RABGEF1: variants seen among roughly 807,000 people sequenced by gnomAD.
RABGEF1 encodes rab5 GDP/GTP exchange factor.
RABGEF1 carries 26 observed loss-of-function variants against 57.3 expected under a neutral mutation model. The ratio of observed to expected loss-of-function variants is 0.45; its 90% CI spans 0.33 to 0.63. The LOEUF is 0.63. Ranked by LOEUF, RABGEF1 falls within the 20% of genes least tolerant of loss-of-function variation. RABGEF1 has a pLI of 0.02. For missense variants in RABGEF1, 464 were observed against 607.6 expected (o/e 0.76, Z 2.48); for synonymous variants, 185 against 210.7 (o/e 0.88, Z 1.06).
At chr7:66,791,369 AAT>A (rs1295020208) in intron 4 of RABGEF1, among the ~76,000 whole-genome samples, 1 of 152,180 alleles carries the variant, frequency 6.6e-6, no homozygotes, top group Non-Finnish European at 1.5e-5. Context: ...ACTTTCTCAG[AAT>A]ATGAGGACTG....
At chr7:66,732,666 C>A (rs1797459133) in intron 2 of RABGEF1, among the ~76,000 whole-genome samples, 1 of 152,132 alleles carries the variant, frequency 6.6e-6, no homozygotes, top group Admixed American at 6.5e-5. Context: ...AAATTTGGTT[C>A]ACAATTTTCC....
the RABGEF1 span, among the ~76,000 whole-genome samples, chr7:66,661,077 A>G: frequency 6.6e-6 from 1 of 152,064 alleles, no homozygotes; most frequent in Non-Finnish European, 1.5e-5. Flanking sequence ...TGGGAGGCCA[A>G]GGCGGGTGGA....
At chr7:66,741,147 C>G (rs1447902712) in intron 1 of RABGEF1, among the ~76,000 whole-genome samples, 1 of 152,178 alleles carries the variant, frequency 6.6e-6, no homozygotes, top group Non-Finnish European at 1.5e-5. Flanking sequence ...TCCCACCTTC[C>G]GTCCAGGCCG....
intron 2 of RABGEF1, among the ~76,000 whole-genome samples, chr7:66,727,493 T>A (rs757154591): frequency 6.6e-6 from 1 of 152,242 alleles, no homozygotes; most frequent in African/African-American, 2.4e-5. Flanking sequence ...GCCTGGTCAG[T>A]TGGTCTGGAC....
the RABGEF1 span, among the ~76,000 whole-genome samples, chr7:66,661,791 G>A: frequency 1.3e-5 from 2 of 152,190 alleles, no homozygotes; most frequent in Non-Finnish European, 2.9e-5. Context: ...TTGCCTTGAT[G>A]CTAGGGCCAG....
At chr7:66,685,737 C>G (rs1254891264) in intron 1 of RABGEF1, among the ~76,000 whole-genome samples, 2 of 152,176 alleles carry the variant, frequency 1.3e-5, no homozygotes, top group Non-Finnish European at 2.9e-5. Flanking sequence ...CCAGTACTTA[C>G]TCATTGTGAT....
intron 2 of RABGEF1, among the ~76,000 whole-genome samples, chr7:66,722,802 C>G (rs1169343663): frequency 6.6e-6 from 1 of 152,092 alleles, no homozygotes; most frequent in African/African-American, 2.4e-5. Flanking sequence ...ATTTTAGAAT[C>G]AGCGTGTCAC....
intron 5 of RABGEF1, among the ~76,000 whole-genome samples, chr7:66,796,493 G>C (rs1389543241): frequency 6.6e-6 from 1 of 152,202 alleles, no homozygotes; most frequent in Non-Finnish European, 1.5e-5. Context: ...TCCCCATTTG[G>C]CAGGGTGTAC....
chr7:66,771,467 G>A (rs1028475808), intron 1 of RABGEF1, among the ~76,000 whole-genome samples: 4 of 152,096 alleles, frequency 2.6e-5, no homozygotes, highest in African/African-American at 4.8e-5. Flanking sequence ...TTGATATAAT[G>A]TATTTGTCTG....
chr7:66,794,513 G>A (rs781776358), intron 4 of RABGEF1, among the ~76,000 whole-genome samples: 1 of 151,742 alleles, frequency 6.6e-6, no homozygotes, highest in African/African-American at 2.4e-5. Context: ...ATATTCTTTG[G>A]CAGAAAGTGA....
intron 1 of RABGEF1, chr7:66,755,832 C>T (rs1350184010): frequency 7.3e-6 from 3 of 413,460 alleles, no homozygotes; most frequent in African/African-American, 6.2e-5. Flanking sequence ...TTGCTCTGCT[C>T]ATTCCAGCAG....
chr7:66,669,197 G>A, the RABGEF1 span: 1 of 152,528 alleles, frequency 6.6e-6, no homozygotes, highest in Admixed American at 6.5e-5. Context: ...GGGTCCTGGA[G>A]CCTGGAGGAC....
rs189371391 is a variant in RABGEF1 at position 66,798,482 on chromosome 7, G to A, written c.729-841G>A. Among the ~76,000 whole-genome samples, 43 of 152,330 alleles carry A rather than the reference G, an allele frequency of 2.8e-4. No homozygotes were observed. The East Asian group carries it at 3.3e-3, about 12-fold the overall frequency. On this transcript the variant is annotated intron_variant, in intron 6 of 8. Transcript: ENST00000284957. ...GCAGGCTGAAGATGTGGAGCCCAAG[G>A]TCAGGAGCCAGAAGTAACTAGAGGG...
chr7:66,775,274 A>G lies in RABGEF1; in HGVS notation c.227A>G (p.Gln76Arg). The G allele has an allele frequency of 3.1e-6, 5 of 1,613,948 alleles. No homozygotes were observed. The highest frequency in any genetic ancestry group is 4.2e-6 in the Non-Finnish European group (5 of 1,179,836). ...EEAFASSQSSQGAQSLTFSKF... is the reference protein window; with the variant it reads ...EEAFASSQSSRGAQSLTFSKF... ...GCCTTTGCCAGCAGTCAGAGCAGCC[A>G]AGGGGCCCAATCCCTCACATTCTCC... Residue 76 changes from glutamine to arginine, a missense_variant, in exon 3 of 9, where the codon CAA (glutamine) becomes CGA (arginine). Around this residue, in one of 4 missense-constraint regions of RABGEF1, gnomAD observed 284 missense variants for 389.9 expected, o/e 0.73. Transcript: ENST00000284957.
chr7:66,725,644 T>TC (rs1290527729), intron 2 of RABGEF1, among the ~76,000 whole-genome samples: 3 of 152,124 alleles, frequency 2.0e-5, no homozygotes, highest in Non-Finnish European at 4.4e-5. Flanking sequence ...CAGATATGAC[T>TC]CCCCCAACTT....
rs190940196 is a variant in RABGEF1 at position 66,800,582 on chromosome 7, C to G, written c.820+1168C>G. 3.9e-4 allele frequency among the ~76,000 whole-genome samples: 59 copies of G among 152,284 alleles called. No individual in the cohort carries two copies. The East Asian group carries it at 0.011, about 29-fold the overall frequency. On this transcript the variant is annotated intron_variant, in intron 7 of 8. Transcript: ENST00000284957. ...GGCGTAGGTCATGACTACTCTGCCC[C>G]CCGCACCTTTTGCTCGGGGAACCCC...
At chr7:66,678,579 A>G (rs1238630475), upstream of RABGEF1, among the ~76,000 whole-genome samples, 1 of 151,662 alleles carries the variant, frequency 6.6e-6, no homozygotes, top group Non-Finnish European at 1.5e-5. Context: ...AAAAAAAAAA[A>G]AAAAAGAAAA....
At chr7:66,756,060 C>T (rs1418924187) in intron 1 of RABGEF1, 10 of 1,497,348 alleles carry the variant, frequency 6.7e-6, no homozygotes, top group South Asian at 2.6e-5. Context: ...AGAATGATGG[C>T]GTCTTCATAC....
At chr7:66,736,862 A>AAAAAC (rs905540383), upstream of RABGEF1, among the ~76,000 whole-genome samples, 1 of 152,158 alleles carries the variant, frequency 6.6e-6, no homozygotes, top group African/African-American at 2.4e-5. Flanking sequence ...CTCCATCTCA[A>AAAAAC]AAAACAAAAC....
Sources: gnomAD v4.1 joint callset for allele counts (sites outside exome capture counted in the v4.1 genomes callset) on GRCh38, gnomAD v4.1.1 for gene constraint, gnomAD v4.1.1 regional missense constraint, MANE v1.5 for transcripts, NCBI Gene and HGNC (gene_info 2026-07-23, HGNC 2026-07-21) for gene names.